HHAT: variants seen among roughly 807,000 people sequenced by gnomAD.
HHAT encodes the protein protein-cysteine N-palmitoyltransferase HHAT.
A neutral mutation model predicts 70.8 loss-of-function variants in HHAT; 47 were observed. The observed-to-expected ratio is 0.66, with a 90% CI of 0.53 to 0.85. The LOEUF (loss-of-function observed/expected upper bound fraction) is 0.85, where lower values mean the gene tolerates loss of function less well. HHAT is among the 40% of genes least tolerant of loss of function. The pLI, the probability that HHAT is intolerant of heterozygous loss-of-function variation, is 0.00. For synonymous variants in HHAT, 228 were observed against 247.6 expected, an observed-to-expected ratio of 0.92 and a Z score of 0.74; for missense variants, 609 against 604.8, an observed-to-expected ratio of 1.01 and a Z score of -0.07.
intron 2 of HHAT, among the ~76,000 whole-genome samples, chr1:210,354,667 T>A (rs1361779951): frequency 6.6e-6 from 1 of 152,146 alleles, no homozygotes; most frequent in African/African-American, 2.4e-5. Flanking sequence ...TGGCCTCACA[T>A]ATTAAATTCT....
chr1:210,386,590 A>G (rs2091094651), intron 3 of HHAT, among the ~76,000 whole-genome samples: 1 of 152,114 alleles, frequency 6.6e-6, no homozygotes. Flanking sequence ...CTGAGACCTC[A>G]AATCCCCCTC....
intron 1 of HHAT, among the ~76,000 whole-genome samples, chr1:210,331,798 C>T (rs1428255031): frequency 2.0e-5 from 3 of 150,966 alleles, no homozygotes; most frequent in Non-Finnish European, 2.9e-5. Context: ...GAACACAGTT[C>T]TCCCCTGAAG....
At chr1:210,345,301 C>CAAATTAATAA (rs1488876137) in intron 1 of HHAT, among the ~76,000 whole-genome samples, 3 of 152,030 alleles carry the variant, frequency 2.0e-5, no homozygotes, top group Non-Finnish European at 4.4e-5. Flanking sequence ...TGAATGAATA[C>CAAATTAATAA]AAATTAATAA....
chr1:210,612,840 G>T (rs1335522661), intron 10 of HHAT, among the ~76,000 whole-genome samples: 2 of 152,144 alleles, frequency 1.3e-5, no homozygotes, highest in Non-Finnish European at 2.9e-5. Context: ...CACCTTAGAA[G>T]GTGTGAAGTG....
chr1:210,399,736 T>C (rs572477592), intron 4 of HHAT, among the ~76,000 whole-genome samples: 1 of 152,304 alleles, frequency 6.6e-6, no homozygotes, highest in Non-Finnish European at 1.5e-5. Flanking sequence ...GGTTATATCA[T>C]AAAGCAAAGA....
intron 7 of HHAT, among the ~76,000 whole-genome samples, chr1:210,427,189 C>T (rs188238377): frequency 4.6e-5 from 7 of 152,008 alleles, no homozygotes; most frequent in Middle Eastern, 3.4e-3. Context: ...CCCCTTGTTT[C>T]TTATTGTGTT....
At chr1:210,532,632 T>C (rs1401951545) in intron 9 of HHAT, among the ~76,000 whole-genome samples, 19 of 152,200 alleles carry the variant, frequency 1.2e-4, no homozygotes, top group Admixed American at 1.2e-3. Flanking sequence ...AGACCCCATA[T>C]TGGAGTTTTA....
At chr1:210,349,488 A>C (rs1267663388) in intron 2 of HHAT, among the ~76,000 whole-genome samples, 1 of 152,050 alleles carries the variant, frequency 6.6e-6, no homozygotes, top group African/African-American at 2.4e-5. Context: ...GTCACATTCC[A>C]GCCCAAAGGA....
At position 210,496,034 on chromosome 1, in the gene HHAT, A is replaced by G. The variant is rs12039486; in HGVS notation, c.1008-17119A>G. Among the ~76,000 whole-genome samples, 26 of 149,246 alleles carry G rather than the reference A, an allele frequency of 1.7e-4. 2 individuals carry two copies. In the East Asian group the frequency reaches 5.0e-3, roughly 29 times the overall value. On this transcript the variant is annotated intron_variant, in intron 8 of 11. Transcript: ENST00000261458. ...TCAAAAAAAAAAAAAAAAAAAAGAA[A>G]AAGAAAATGGAGTAGAAAATATCAG...
chr1:210,643,434 T>C (rs1673364889), intron 11 of HHAT, among the ~76,000 whole-genome samples: 1 of 152,234 alleles, frequency 6.6e-6, no homozygotes, highest in Non-Finnish European at 1.5e-5. Context: ...ATAGTCAGTG[T>C]TAGTCTTTGA....
intron 3 of HHAT, 43 bp from the exon 4 acceptor site, chr1:210,387,425 C>T (rs1438576089): frequency 6.8e-6 from 10 of 1,474,836 alleles, no homozygotes; most frequent in South Asian, 1.1e-5. Flanking sequence ...CTGACTCAGA[C>T]GTGTACTGAA....
At chr1:210,409,849 G>A (rs2092465011) in intron 6 of HHAT, among the ~76,000 whole-genome samples, 1 of 152,176 alleles carries the variant, frequency 6.6e-6, no homozygotes, top group Admixed American at 6.5e-5. Flanking sequence ...CTTTGCAGAT[G>A]AGTTAATGTG....
At chr1:210,573,840 A>G (rs1656960176) in intron 9 of HHAT, among the ~76,000 whole-genome samples, 1 of 152,240 alleles carries the variant, frequency 6.6e-6, no homozygotes, top group Non-Finnish European at 1.5e-5. Context: ...TTATGAAGCC[A>G]CAGTTTCTAG....
chr1:210,411,965 T>G (rs1283801228), intron 6 of HHAT, among the ~76,000 whole-genome samples: 1 of 152,142 alleles, frequency 6.6e-6, no homozygotes, highest in African/African-American at 2.4e-5. Flanking sequence ...CATCAGAAAT[T>G]TATTTCTCAC....
intron 1 of HHAT, among the ~76,000 whole-genome samples, chr1:210,339,700 G>A (rs1419193530): frequency 1.3e-5 from 2 of 152,154 alleles, no homozygotes; most frequent in East Asian, 1.9e-4. Flanking sequence ...GTGGAGTTGT[G>A]TGGTGACAGA....
At chr1:210,543,063 ATTTTCT>A (rs1270056553) in intron 9 of HHAT, among the ~76,000 whole-genome samples, 4 of 152,176 alleles carry the variant, frequency 2.6e-5, no homozygotes, top group African/African-American at 7.2e-5. Context: ...AAAGCTTTTG[ATTTTCT>A]TTTTCTGAAG....
At chr1:210,517,119 C>A (rs144968755) in intron 9 of HHAT, among the ~76,000 whole-genome samples, 1 of 152,008 alleles carries the variant, frequency 6.6e-6, no homozygotes, top group Non-Finnish European at 1.5e-5. Context: ...AATGTGACAC[C>A]GCACAAGAAA....
intron 2 of HHAT, among the ~76,000 whole-genome samples, chr1:210,359,854 G>A (rs1023150016): frequency 6.6e-6 from 1 of 151,104 alleles, no homozygotes; most frequent in Non-Finnish European, 1.5e-5. Context: ...GCGACAGAGC[G>A]AGACTTCTGG....
rs1372998544 is a variant in HHAT, at chr1:210,386,237, T to C, written c.160-1231T>C. 7.7e-4 allele frequency among the ~76,000 whole-genome samples: 76 copies of C among 98,648 alleles called. 2 individuals are homozygous for C. The highest frequency in any genetic ancestry group is 2.6e-3 in the African/African-American group (63 of 24,640). 64.7% of individuals were successfully genotyped at this position (98,648 alleles called of 152,430 possible). ...GAGTCCTTTTCTTTTTTTCTTTTTTTTTTTTTTTTTTTTTTTTTTGAGACA... is the reference window on the plus strand; with the variant it reads ...GAGTCCTTTTCTTTTTTTCTTTTTTCTTTTTTTTTTTTTTTTTTTGAGACA... On this transcript the variant is annotated intron_variant, in intron 3 of 11. Transcript: ENST00000261458.
Sources: gnomAD v4.1 joint callset for allele counts (sites outside exome capture counted in the v4.1 genomes callset) on GRCh38, gnomAD v4.1.1 for gene constraint, MANE v1.5 for transcripts, NCBI Gene and HGNC (gene_info 2026-07-23, HGNC 2026-07-21) for gene names.